PBRM1: variants seen among roughly 807,000 people sequenced by gnomAD.
The protein encoded by PBRM1 is protein polybromo-1.
In PBRM1, 27 loss-of-function variants were observed where a neutral mutation model predicts 194.5. The observed-to-expected ratio is 0.14, with a 90% CI of 0.10 to 0.19. PBRM1 has a LOEUF of 0.19. PBRM1 is among the 10% of genes least tolerant of loss of function. The probability of loss-of-function intolerance (pLI) is 1.00; values close to 1 mark genes in which losing one functional copy is unlikely to be tolerated. For missense variants in PBRM1, 1,466 were observed against 2,077.2 expected (o/e 0.71, Z 5.72); for synonymous variants, 655 against 693.2 (o/e 0.94, Z 0.87).
chr3:52,581,296 G>C (rs2091102559), intron 20 of PBRM1, among the ~76,000 whole-genome samples: 1 of 152,172 alleles, frequency 6.6e-6, no homozygotes, highest in South Asian at 2.1e-4. Context: ...GATCACTTGA[G>C]GCCAGGAGTT....
exon 25 of PBRM1, chr3:52,561,876 C>A (rs1310725440): frequency 6.2e-7 from 1 of 1,614,150 alleles, no homozygotes; most frequent in Non-Finnish European, 8.5e-7. Flanking sequence ...TCACAGCCCT[C>A]ATCTCACTGC....
At chr3:52,596,637 G>A (rs1016078693) in intron 17 of PBRM1, among the ~76,000 whole-genome samples, 3 of 151,960 alleles carry the variant, frequency 2.0e-5, no homozygotes, top group Non-Finnish European at 4.4e-5. Context: ...TAGAAATGCT[G>A]CATGGGAGCT....
intron 16 of PBRM1, among the ~76,000 whole-genome samples, chr3:52,604,255 A>C (rs1042007191): frequency 6.6e-6 from 1 of 152,240 alleles, no homozygotes; most frequent in African/African-American, 2.4e-5. Context: ...AAAGTATTCT[A>C]TAATGGTTAC....
chr3:52,617,219 TC>T (rs1205495244), intron 14 of PBRM1, 42 bp downstream of exon 16: 1 of 1,557,702 alleles, frequency 6.4e-7, no homozygotes, highest in Non-Finnish European at 8.7e-7. Context: ...AGTACCCCTC[TC>T]CCGCAAAATG....
intron 11 of PBRM1, 92 bp downstream of exon 12, chr3:52,634,510 A>G: frequency 1.2e-6 from 1 of 826,298 alleles, no homozygotes; most frequent in Non-Finnish European, 2.0e-6. Flanking sequence ...TTTACCTTTA[A>G]TATCCTTATC....
upstream of PBRM1, among the ~76,000 whole-genome samples, chr3:52,680,826 A>G (rs1161125744): frequency 6.6e-6 from 1 of 151,924 alleles, no homozygotes; most frequent in Non-Finnish European, 1.5e-5. Flanking sequence ...ACACCCAGCT[A>G]ATTTTTGTAT....
upstream of PBRM1, among the ~76,000 whole-genome samples, chr3:52,682,642 T>A (rs773532773): frequency 1.3e-5 from 2 of 152,188 alleles, no homozygotes; most frequent in Non-Finnish European, 2.9e-5. Context: ...GGCAATGTTA[T>A]AAGGTGGGAG....
intron 17 of PBRM1, among the ~76,000 whole-genome samples, chr3:52,591,511 G>GTTTTTTTTT (rs57736913): frequency 4.7e-4 from 34 of 71,858 alleles, no homozygotes; most frequent in African/African-American, 6.6e-4. Context: ...TTTTGTCTTT[G>GTTTTTTTTT]TTTTTTTTTT....
rs566481465 is a variant in PBRM1, at chr3:52,612,258, C to CAAAAAAAAAAAAAAAAAAAAAAAAAA, written c.1925-2304_1925-2303insTTTTTTTTTTTTTTTTTTTTTTTTTT. ...TAGGCAACAGAGCGAGATTCCGTCT[C>CAAAAAAAAAAAAAAAAAAAAAAAAAA]AAAAAAAAAAAAAAAAAAAAAAAAG... On this transcript the variant is annotated intron_variant, in intron 15 of 29. Coordinates refer to ENST00000296302, the Ensembl canonical transcript of PBRM1. Among the ~76,000 whole-genome samples, 11 of 24,010 alleles carry CAAAAAAAAAAAAAAAAAAAAAAAAAA rather than the reference C, an allele frequency of 4.6e-4. 1 individual carries two copies. The highest frequency in any genetic ancestry group is 7.0e-4 in the Non-Finnish European group (9 of 12,908). 15.8% of individuals were successfully genotyped at this position (24,010 alleles called of 152,430 possible).
chr3:52,586,803 A>AT, intron 19 of PBRM1, 115 bp from the exon 22 acceptor site: 1 of 731,056 alleles, frequency 1.4e-6, no homozygotes, highest in Non-Finnish European at 2.2e-6. Flanking sequence ...AGCTGAACTG[A>AT]TTACAGACTT....
intron 29 of PBRM1, among the ~76,000 whole-genome samples, chr3:52,549,631 G>A (rs147521815): frequency 3.2e-3 from 486 of 152,286 alleles, no homozygotes; most frequent in African/African-American, 0.011. Context: ...TAGGCAGGGC[G>A]CTGTGACTCA....
intron 2 of PBRM1, among the ~76,000 whole-genome samples, chr3:52,675,147 C>T (rs545532237): frequency 7.8e-4 from 119 of 152,122 alleles, no homozygotes; most frequent in Middle Eastern, 3.4e-3. Flanking sequence ...GGATAATTTC[C>T]TAGAAACACA....
At chr3:52,617,620 A>G in intron 13 of PBRM1, 82 bp from the exon 16 acceptor site, 1 of 956,644 alleles carries the variant, frequency 1.0e-6, no homozygotes, top group South Asian at 1.6e-5. Flanking sequence ...AAATAAAACA[A>G]ATTATTTATG....
chr3:52,593,268 T>C (rs1193835717), intron 17 of PBRM1, among the ~76,000 whole-genome samples: 2 of 152,190 alleles, frequency 1.3e-5, no homozygotes, highest in East Asian at 3.8e-4. Flanking sequence ...TCTTTTTTTT[T>C]TTAAACAAGA....
upstream of PBRM1, chr3:52,682,046 C>T (rs986882513): frequency 6.5e-6 from 1 of 153,278 alleles, no homozygotes; most frequent in African/African-American, 2.4e-5. Context: ...AAACCAAATG[C>T]TTTCATATGT....
chr3:52,604,958 A>AAATAAATAAATAAAT (rs2094250441), intron 16 of PBRM1, among the ~76,000 whole-genome samples: 4 of 145,672 alleles, frequency 2.7e-5, no homozygotes, highest in East Asian at 2.1e-4. Context: ...ACTCTGTCCC[A>AAATAAATAAATAAAT]AAATAAATAA....
At chr3:52,636,627 G>A (rs957194664) in intron 10 of PBRM1, among the ~76,000 whole-genome samples, 3 of 151,074 alleles carry the variant, frequency 2.0e-5, no homozygotes, top group Non-Finnish European at 4.4e-5. Context: ...TGTGGTGGCA[G>A]GTGACTGTAA....
intron 2 of PBRM1, among the ~76,000 whole-genome samples, chr3:52,674,995 G>A (rs545390521): frequency 3.4e-4 from 51 of 151,858 alleles, no homozygotes; most frequent in African/African-American, 1.1e-3. Flanking sequence ...GAGGGAGGGA[G>A]GGAAGAAGTA....
At chr3:52,619,361 C>T (rs1402306886) in intron 13 of PBRM1, among the ~76,000 whole-genome samples, 3 of 152,184 alleles carry the variant, frequency 2.0e-5, no homozygotes, top group Admixed American at 6.5e-5. Flanking sequence ...TGCACATCCT[C>T]CTGTATACTT....
Sources: gnomAD v4.1 joint callset for allele counts (sites outside exome capture counted in the v4.1 genomes callset) on GRCh38, gnomAD v4.1.1 for gene constraint, MANE v1.5 for transcripts, NCBI Gene and HGNC (gene_info 2026-07-23, HGNC 2026-07-21) for gene names.